The following TJP1 variants were observed in gnomAD, a reference collection of about 807,000 sequenced individuals.
TJP1 encodes tight junction protein 1.
TJP1 carries 43 observed loss-of-function variants against 194.2 expected under a neutral mutation model. The observed-to-expected ratio is 0.22, with a 90% CI of 0.17 to 0.29. The LOEUF (loss-of-function observed/expected upper bound fraction) is 0.29, where lower values mean the gene tolerates loss of function less well. TJP1 is among the 10% of genes least tolerant of loss of function. The pLI, the probability that TJP1 is intolerant of heterozygous loss-of-function variation, is 1.00. For synonymous variants in TJP1, 801 were observed against 779.0 expected (o/e 1.03, Z -0.47); for missense variants, 1,971 against 2,185.7 (o/e 0.90, Z 1.96).
intron 18 of TJP1, among the ~76,000 whole-genome samples, chr15:29,721,378 C>T (rs944480517): frequency 4.6e-5 from 7 of 152,092 alleles, no homozygotes; most frequent in Non-Finnish European, 1.0e-4. Context: ...CAGCACCTCC[C>T]CAACTCTCTT....
chr15:29,934,114 C>G (rs922845401), intron 2 of TJP1, among the ~76,000 whole-genome samples: 3 of 152,208 alleles, frequency 2.0e-5, no homozygotes, highest in African/African-American at 4.8e-5. Context: ...TTCAAAACAA[C>G]TGAAACTATG....
intron 8 of TJP1, 32 bp from the exon 9 acceptor site, chr15:29,742,813 A>G (rs779073512): frequency 4.5e-6 from 7 of 1,548,836 alleles, no homozygotes; most frequent in African/African-American, 1.4e-5. Context: ...AATCAAGAGC[A>G]TAAGAATGAT....
chr15:29,783,161 C>G (rs1368824169), intron 2 of TJP1, among the ~76,000 whole-genome samples: 1 of 152,070 alleles, frequency 6.6e-6, no homozygotes, highest in African/African-American at 2.4e-5. Flanking sequence ...GTAATCCCAG[C>G]TATTCAGGAG....
intron 18 of TJP1, among the ~76,000 whole-genome samples, chr15:29,723,112 ATGAGT>A (rs1377280152): frequency 6.6e-6 from 1 of 152,168 alleles, no homozygotes; most frequent in African/African-American, 2.4e-5. Context: ...TAATGCTGAA[ATGAGT>A]TAAGACTTTG....
At chr15:29,916,241 A>G (rs1437798484) in intron 2 of TJP1, among the ~76,000 whole-genome samples, 1 of 68,482 alleles carries the variant, frequency 1.5e-5, no homozygotes, top group Non-Finnish European at 2.5e-5. Flanking sequence ...ACTCTGTCTC[A>G]AAAAAAAAAA....
chr15:29,777,229 C>T (rs895190935), intron 2 of TJP1, among the ~76,000 whole-genome samples: 4 of 152,150 alleles, frequency 2.6e-5, no homozygotes, highest in South Asian at 2.1e-4. Context: ...TTTTAATCTA[C>T]GAGTGTGTGA....
At chr15:29,740,520 T>C (rs976625953) in intron 10 of TJP1, among the ~76,000 whole-genome samples, 1 of 151,790 alleles carries the variant, frequency 6.6e-6, no homozygotes, top group African/African-American at 2.4e-5. Context: ...TCATCCCAGC[T>C]ACTCAGGAGG....
In TJP1 at chr15:29,761,762, C is replaced by T; in HGVS notation, c.701G>A (p.Gly234Asp). 3 of 1,540,712 alleles carry T rather than the reference C, an allele frequency of 1.9e-6. No individual in the cohort carries two copies. The highest frequency in any genetic ancestry group is 3.5e-4 in the Middle Eastern group (2 of 5,780). Residue 234 changes from glycine to aspartate, a missense_variant, in exon 7 of 28, where the codon GGT (glycine) becomes GAT (aspartate). By Grantham distance (94) the Gly-to-Asp change is moderately conservative. Around this residue, in one of 5 missense-constraint regions of TJP1, gnomAD observed 245 missense variants for 336.6 expected, o/e 0.73. Coordinates refer to ENST00000614355, the MANE Select transcript of TJP1 (RefSeq NM_001330239.4). ...CAATGACATATTTTCTGTCACAGTA[C>T]CATTTATCTGCAACAGAAAATAAAT... ...QEGDVVLKINGTVTENMSLTD... is the reference protein window; with the variant it reads ...QEGDVVLKINDTVTENMSLTD...
At chr15:29,857,083 T>C (rs1485386696) in intron 2 of TJP1, among the ~76,000 whole-genome samples, 1 of 152,172 alleles carries the variant, frequency 6.6e-6, no homozygotes, top group African/African-American at 2.4e-5. Flanking sequence ...CCATGGATTT[T>C]GATATCTGAA....
chr15:29,923,936 G>GT (rs1454504077), intron 2 of TJP1, among the ~76,000 whole-genome samples: 1 of 152,214 alleles, frequency 6.6e-6, no homozygotes, highest in Non-Finnish European at 1.5e-5. Context: ...TCTAATGTGT[G>GT]TGAGTTTCAC....
intron 2 of TJP1, among the ~76,000 whole-genome samples, chr15:29,852,951 C>G (rs2051702268): frequency 6.6e-6 from 1 of 151,468 alleles, no homozygotes; most frequent in Non-Finnish European, 1.5e-5. Flanking sequence ...AACCTGTACA[C>G]AAATATTCAT....
At chr15:29,800,605 C>T in intron 2 of TJP1, 41 bp downstream of exon 2, 2 of 1,600,686 alleles carry the variant, frequency 1.2e-6, no homozygotes, top group South Asian at 2.2e-5. Context: ...CTGCCAGTAT[C>T]CTGAGTTATA....
chr15:29,950,093 A>T (rs1471718483), intron 2 of TJP1, among the ~76,000 whole-genome samples: 4 of 22,902 alleles, frequency 1.7e-4, no homozygotes, highest in Admixed American at 5.9e-4. Context: ...CATCTTCACC[A>T]CCACCTCCAC....
intron 2 of TJP1, among the ~76,000 whole-genome samples, chr15:29,862,868 G>A (rs1174945924): frequency 1.3e-5 from 2 of 150,924 alleles, no homozygotes; most frequent in Non-Finnish European, 3.0e-5. Context: ...CAGGATGGTC[G>A]CGATCTCCTG....
At position 29,764,140 on chromosome 15, in the gene TJP1, AGGATGTTAGCAT is replaced by A. The variant is rs201691180; in HGVS notation, c.590-1714_590-1703del. 4.5e-4 allele frequency among the ~76,000 whole-genome samples: 69 copies of A among 152,350 alleles called. No individual in the cohort carries two copies. In the East Asian group the frequency reaches 9.8e-3, roughly 22 times the overall value. ...TGGCAATTTGCAGTCAGTGAAAAAAAGGATGTTAGCATGGTAATCCCAAATGCGGTGAGTTCA... is the reference window on the plus strand; with the variant it reads ...TGGCAATTTGCAGTCAGTGAAAAAAAGGTAATCCCAAATGCGGTGAGTTCA... On this transcript the variant is annotated intron_variant, in intron 5 of 27. Transcript: ENST00000614355.
At chr15:29,699,443 G>A (rs2041414219), downstream of TJP1, 1 of 152,212 alleles carries the variant, frequency 6.6e-6, no homozygotes, top group Admixed American at 6.5e-5. Flanking sequence ...GCCAGGGGCT[G>A]GAAGAAGGGT....
chr15:29,833,660 C>T (rs2050906845), intron 2 of TJP1, among the ~76,000 whole-genome samples: 1 of 151,436 alleles, frequency 6.6e-6, no homozygotes. Context: ...CCCAAAATTG[C>T]TAGGATTACA....
intron 18 of TJP1, among the ~76,000 whole-genome samples, chr15:29,725,691 G>C (rs900700493): frequency 1.3e-5 from 2 of 152,098 alleles, no homozygotes; most frequent in African/African-American, 4.8e-5. Context: ...ACTGACAATA[G>C]AAAGTAGTTA....
rs2043743671 is a variant in TJP1, at chr15:29,732,680, C to T, written c.1872G>A (p.Gln624=). The change falls in exon 14 of 28, where the codon CAG becomes CAA. Residue 624 remains glutamine, a synonymous_variant. Transcript: ENST00000614355. ...LRKSREDLSA[Q]PVQTKFPAYE... is the part of the protein sequence containing the mutation. ...AAGCTGGAAACTTTGTTTGAACAGG[C>T]TGAGCGGACAAATCCTCTCTGCTTT... The T allele has an allele frequency of 6.2e-7, 1 of 1,614,150 alleles. No individual in the cohort carries two copies. Among genetic ancestry groups the T allele is most frequent in the Non-Finnish European group, 8.5e-7 (1 of 1,180,018 alleles).
Sources: allele counts gnomAD v4.1 joint callset (sites outside exome capture counted in the v4.1 genomes callset), GRCh38; gene constraint gnomAD v4.1.1; regional missense constraint gnomAD v4.1.1; transcripts MANE v1.5; gene names NCBI Gene and HGNC (gene_info 2026-07-23, HGNC 2026-07-21).